C1orf105: variants seen among roughly 807,000 people sequenced by gnomAD.
C1orf105 encodes the protein chromosome 1 open reading frame 105.
A neutral mutation model predicts 20.8 loss-of-function variants in C1orf105; 17 were observed. The observed-to-expected ratio is 0.82, with a 90% CI of 0.56 to 1.23. The LOEUF (loss-of-function observed/expected upper bound fraction) is 1.23, where lower values mean the gene tolerates loss of function less well. Among genes scored for constraint, C1orf105 ranks in the 50% most tolerant of loss-of-function variants. C1orf105 has a pLI of 0.00. For missense variants in C1orf105, 219 were observed against 213.5 expected, an observed-to-expected ratio of 1.03 and a Z score of -0.16; for synonymous variants, 72 against 72.1, an observed-to-expected ratio of 1.00 and a Z score of 0.01.
At chr1:172,461,948 C>T (rs1420604845) in intron 4 of C1orf105, among the ~76,000 whole-genome samples, 1 of 152,126 alleles carries the variant, frequency 6.6e-6, no homozygotes, top group Non-Finnish European at 1.5e-5. Flanking sequence ...TCTAAACCAA[C>T]CAATTTTAAA....
chr1:172,467,472 C>T (rs1198051434), intron 6 of C1orf105, among the ~76,000 whole-genome samples: 1 of 152,176 alleles, frequency 6.6e-6, no homozygotes, highest in Non-Finnish European at 1.5e-5. Flanking sequence ...CCATGACACC[C>T]ACGGACTCTT....
At chr1:172,424,730 G>A (rs2071680430) in intron 1 of C1orf105, among the ~76,000 whole-genome samples, 1 of 152,174 alleles carries the variant, frequency 6.6e-6, no homozygotes, top group African/African-American at 2.4e-5. Context: ...AGAAGGCAAT[G>A]GAGAGCAAGT....
intron 1 of C1orf105, among the ~76,000 whole-genome samples, chr1:172,433,881 T>C (rs2071950842): frequency 6.6e-6 from 1 of 152,028 alleles, no homozygotes; most frequent in Non-Finnish European, 1.5e-5. Context: ...GAGACACACA[T>C]AGGCTCAAAA....
Position 172,458,213 on chromosome 1 carries a change from AC to A in C1orf105, c.273+1725del, listed in dbSNP as rs1363704142. 2.0e-5 allele frequency among the ~76,000 whole-genome samples: 3 copies of A among 152,348 alleles called. 1 individual carries two copies. Among genetic ancestry groups the A allele is most frequent in the Middle Eastern group, 6.8e-3 (2 of 294 alleles). The stretch of plus-strand genomic sequence containing the variant: ...ACACTTCTACTCAACATTTTACTAT[AC>A]ATTCTAGCCAGAAAGATAAGAAAAA... On this transcript the variant is annotated intron_variant, in intron 4 of 6. Coordinates refer to ENST00000367727, the MANE Select transcript of C1orf105 (RefSeq NM_139240.4).
At chr1:172,451,867 C>CT (rs11462736) in intron 3 of C1orf105, among the ~76,000 whole-genome samples, 43,215 of 83,588 alleles carry the variant, frequency 0.52, 13,517 homozygotes, top group East Asian at 0.61. Flanking sequence ...TATATGGATT[C>CT]TTTTTTTTTT....
At chr1:172,441,545 C>G (rs1425369700) in intron 1 of C1orf105, 1 of 471,690 alleles carries the variant, frequency 2.1e-6, no homozygotes, top group Non-Finnish European at 3.7e-6. Flanking sequence ...TTTTCATCTA[C>G]AAAATAACAG....
chr1:172,442,613 G>T (rs768329951), intron 1 of C1orf105: 1 of 1,611,088 alleles, frequency 6.2e-7, no homozygotes, highest in East Asian at 2.2e-5. Context: ...GTCACAGGTT[G>T]AGCATACATT....
intron 5 of C1orf105, among the ~76,000 whole-genome samples, chr1:172,463,894 A>G (rs995824883): frequency 2.6e-5 from 4 of 152,220 alleles, no homozygotes; most frequent in Admixed American, 1.3e-4. Flanking sequence ...GGAGGAAAAC[A>G]TACCACTTCT....
At chr1:172,453,173 C>G in intron 3 of C1orf105, 2 of 1,551,012 alleles carry the variant, frequency 1.3e-6, no homozygotes, top group Non-Finnish European at 1.7e-6. Flanking sequence ...CAGGCTTCAG[C>G]TGATAGCAAG....
intron 1 of C1orf105, among the ~76,000 whole-genome samples, chr1:172,423,799 C>G (rs2071652688): frequency 6.6e-6 from 1 of 151,590 alleles, no homozygotes; most frequent in Non-Finnish European, 1.5e-5. Flanking sequence ...AGCAGAAATT[C>G]TGGAGTTGAA....
intron 1 of C1orf105, chr1:172,428,978 A>G: frequency 1.8e-6 from 1 of 551,816 alleles, no homozygotes; most frequent in South Asian, 2.4e-5. Flanking sequence ...TACTGGGGGA[A>G]GAGAATAAGG....
chr1:172,431,205 C>A (rs2071864453), intron 1 of C1orf105: 2 of 428,856 alleles, frequency 4.7e-6, no homozygotes, highest in Non-Finnish European at 8.3e-6. Context: ...ATATCAAAAG[C>A]CGAGACAGGC....
intron 1 of C1orf105, among the ~76,000 whole-genome samples, chr1:172,427,858 A>G (rs888063701): frequency 6.6e-6 from 1 of 152,182 alleles, no homozygotes; most frequent in East Asian, 1.9e-4. Flanking sequence ...GTCTCACAGC[A>G]TTAAATATCA....
In C1orf105 at chr1:172,444,055, CG is replaced by C. The variant is rs1272511636; in HGVS notation, c.22-1014del. 1.5e-5 allele frequency: 15 copies of C among 999,254 alleles called. No individual in the cohort carries two copies. In the South Asian group the frequency reaches 4.7e-4, roughly 31 times the overall value. 61.9% of individuals were successfully genotyped at this position (999,254 alleles called of 1,614,324 possible). A position where few individuals can be genotyped will look rare whatever the true frequency, so the allele number is the denominator to read the frequency against. On this transcript the variant is annotated intron_variant, in intron 1 of 6. Transcript: ENST00000367727. ...CAGCCTTTTTCCCGCTTCGGGGCGC[CG>C]GGGCTGCGACTGTGGCCAAGCACTT...
chr1:172,439,061 T>C (rs1187281903), intron 1 of C1orf105, among the ~76,000 whole-genome samples: 1 of 152,220 alleles, frequency 6.6e-6, no homozygotes, highest in Admixed American at 6.5e-5. Context: ...ACCAAAAAAT[T>C]CATGTGATTT....
At chr1:172,434,774 C>T (rs1245437506) in intron 1 of C1orf105, among the ~76,000 whole-genome samples, 2 of 152,136 alleles carry the variant, frequency 1.3e-5, no homozygotes, top group Non-Finnish European at 2.9e-5. Context: ...GAGATAGAGA[C>T]ATAAAAAACC....
In C1orf105 at chr1:172,420,763, C is replaced by T; in HGVS notation, c.-123C>T. 1.1e-6 allele frequency: 1 copy of T among 918,074 alleles called. No individual in the cohort carries two copies. Among genetic ancestry groups the T allele is most frequent in the Non-Finnish European group, 1.7e-6 (1 of 582,720 alleles). The allele number at this position is 918,074 out of a possible 1,614,324, so 56.9% of individuals were successfully genotyped here. ...CTGTAAACTGGCCTGTTTACTTCGTCTCCTAACAAAAAACACTTTGGATTC... is the reference window on the plus strand; with the variant it reads ...CTGTAAACTGGCCTGTTTACTTCGTTTCCTAACAAAAAACACTTTGGATTC... On this transcript the variant is annotated 5_prime_UTR_variant, in exon 1 of 7. Coordinates refer to ENST00000367727, the MANE Select transcript of C1orf105 (RefSeq NM_139240.4).
intron 4 of C1orf105, among the ~76,000 whole-genome samples, chr1:172,460,880 A>C (rs1573892214): frequency 6.6e-6 from 1 of 152,172 alleles, no homozygotes; most frequent in African/African-American, 2.4e-5. Flanking sequence ...AAAAACAAAA[A>C]TCCTGTCTTT....
rs577784179 is a variant in C1orf105, at chr1:172,450,440, G to A, written c.198+1909G>A. Among the ~76,000 whole-genome samples the A allele has an allele frequency of 6.6e-5, 10 of 152,364 alleles. No homozygotes were observed. In the South Asian group the frequency reaches 1.7e-3, roughly 25 times the overall value. On this transcript the variant is annotated intron_variant, in intron 3 of 6. Coordinates refer to ENST00000367727, the MANE Select transcript of C1orf105 (RefSeq NM_139240.4). Reference sequence around the variant, plus strand: ...GAGTCTACTGCGTGTATGAAGGCCTGCACGTATGTGCCATGAGGTAAACGT... The same window carrying A: ...GAGTCTACTGCGTGTATGAAGGCCTACACGTATGTGCCATGAGGTAAACGT...
Sources: allele counts gnomAD v4.1 joint callset (sites outside exome capture counted in the v4.1 genomes callset), GRCh38; gene constraint gnomAD v4.1.1; transcripts MANE v1.5; gene names NCBI Gene and HGNC (gene_info 2026-07-23, HGNC 2026-07-21).